The following NBAS variants were observed in gnomAD, a reference collection of about 807,000 sequenced individuals.
NBAS encodes NAG/BC035112 fusion.
In NBAS, 219 loss-of-function variants were observed where a neutral mutation model predicts 302.5. That is an observed-to-expected ratio of 0.72 (90% confidence interval 0.65 to 0.81). The LOEUF is 0.81. Among genes scored for constraint, NBAS ranks in the 30% least tolerant of loss-of-function variants. The probability of loss-of-function intolerance (pLI) is 0.00; values close to 1 mark genes in which losing one functional copy is unlikely to be tolerated. For missense variants in NBAS, 2,932 were observed against 2,841.6 expected, an observed-to-expected ratio of 1.03 and a Z score of -0.72; for synonymous variants, 1,118 against 1,021.6, an observed-to-expected ratio of 1.09 and a Z score of -1.80.
At chr2:15,286,838 G>A (rs1030208855) in intron 42 of NBAS, among the ~76,000 whole-genome samples, 2 of 152,082 alleles carry the variant, frequency 1.3e-5, no homozygotes, top group Non-Finnish European at 1.5e-5. Flanking sequence ...TGTAACCCTA[G>A]TGGCTAATAC....
At chr2:14,968,490 C>G in the NBAS span, among the ~76,000 whole-genome samples, 4 of 151,910 alleles carry the variant, frequency 2.6e-5, no homozygotes, top group African/African-American at 4.8e-5. Context: ...GTAGTAGCTA[C>G]TGACAGGTGT....
At chr2:14,791,789 G>C in the NBAS span, among the ~76,000 whole-genome samples, 2 of 148,324 alleles carry the variant, frequency 1.3e-5, no homozygotes, top group African/African-American at 5.1e-5. Flanking sequence ...AGGCAATAGA[G>C]GGAGACTCCA....
At chr2:14,881,549 T>A in the NBAS span, among the ~76,000 whole-genome samples, 1 of 152,192 alleles carries the variant, frequency 6.6e-6, no homozygotes, top group Non-Finnish European at 1.5e-5. Context: ...TCCAGGAATC[T>A]ACATGCAGCC....
At chr2:15,553,208 C>T (rs567397386) in intron 5 of NBAS, among the ~76,000 whole-genome samples, 68 of 152,188 alleles carry the variant, frequency 4.5e-4, no homozygotes, top group African/African-American at 1.6e-3. Context: ...TAAGAGGCAA[C>T]GGAATGATCT....
chr2:14,788,467 C>T, the NBAS span, among the ~76,000 whole-genome samples: 1 of 152,032 alleles, frequency 6.6e-6, no homozygotes, highest in Non-Finnish European at 1.5e-5. Context: ...TACTTTTGGT[C>T]TTTGATGATG....
chr2:14,882,872 A>G, the NBAS span, among the ~76,000 whole-genome samples: 2 of 152,074 alleles, frequency 1.3e-5, no homozygotes, highest in African/African-American at 4.8e-5. Flanking sequence ...ATCCTCTGGC[A>G]CTCTGTCCAT....
the NBAS span, among the ~76,000 whole-genome samples, chr2:15,078,192 T>C: frequency 6.6e-6 from 1 of 152,162 alleles, no homozygotes. Flanking sequence ...GAGTTGAATT[T>C]TATCCTGCAG....
intron 21 of NBAS, among the ~76,000 whole-genome samples, chr2:15,438,257 T>C (rs1205022306): frequency 6.6e-6 from 1 of 152,154 alleles, no homozygotes; most frequent in Non-Finnish European, 1.5e-5. Context: ...GTACACACCA[T>C]GAGGTGGCTG....
chr2:15,247,628 A>C (rs889247244), intron 44 of NBAS, among the ~76,000 whole-genome samples: 3 of 152,056 alleles, frequency 2.0e-5, no homozygotes, highest in Non-Finnish European at 2.9e-5. Context: ...AGGGCATTAC[A>C]TAATGGTAAA....
chr2:15,030,132 T>G, the NBAS span, among the ~76,000 whole-genome samples: 2 of 152,164 alleles, frequency 1.3e-5, no homozygotes, highest in Non-Finnish European at 2.9e-5. Context: ...TAAGCAGCTG[T>G]CTGTTGTCTT....
intron 44 of NBAS, among the ~76,000 whole-genome samples, chr2:15,270,448 C>A (rs1156263903): frequency 6.6e-6 from 1 of 152,142 alleles, no homozygotes; most frequent in Non-Finnish European, 1.5e-5. Context: ...CAGGCATGAG[C>A]CACCATGCCC....
At chr2:15,038,501 GA>G in the NBAS span, among the ~76,000 whole-genome samples, 1 of 152,128 alleles carries the variant, frequency 6.6e-6, no homozygotes, top group African/African-American at 2.4e-5. Context: ...CTCATGATTA[GA>G]AGCTCCCGCG....
chr2:15,503,678 G>C (rs1661694049), intron 11 of NBAS, among the ~76,000 whole-genome samples: 1 of 152,110 alleles, frequency 6.6e-6, no homozygotes. Flanking sequence ...TAACAAGACA[G>C]TAAAACAATG....
chr2:15,049,144 T>C, the NBAS span, among the ~76,000 whole-genome samples: 1 of 152,178 alleles, frequency 6.6e-6, no homozygotes, highest in South Asian at 2.1e-4. Context: ...TGATGCCTCA[T>C]ACACCAGTTT....
intron 35 of NBAS, among the ~76,000 whole-genome samples, chr2:15,338,482 C>T (rs570808822): frequency 2.0e-5 from 3 of 152,120 alleles, no homozygotes; most frequent in Admixed American, 6.6e-5. Context: ...TAGAAAAATA[C>T]TCTATGGAGT....
In NBAS at chr2:15,275,716, G is replaced by A. The variant is rs776228679; in HGVS notation, c.5492C>T (p.Pro1831Leu). ...CTGTCCATCCTTTTCAGGGATTTTG[G>A]GAACAAGTTTGGAAATAGACAAGAT... The part of the protein sequence containing the change: ...QNILSISKLV[P>L]KIPEKDGQML... The change falls in exon 44 of 52, where the codon CCC becomes CTC. Residue 1831 changes from proline to leucine, a missense_variant. Transcript: ENST00000281513. 12 of 1,614,170 alleles carry A rather than the reference G, an allele frequency of 7.4e-6. No individual in the cohort carries two copies. The highest frequency in any genetic ancestry group is 9.3e-6 in the Non-Finnish European group (11 of 1,180,028).
At chr2:14,981,806 G>A in the NBAS span, among the ~76,000 whole-genome samples, 1 of 152,220 alleles carries the variant, frequency 6.6e-6, no homozygotes, top group East Asian at 1.9e-4. Flanking sequence ...AGAAATGTAA[G>A]TGGGAATAAA....
At chr2:14,933,033 A>T in the NBAS span, among the ~76,000 whole-genome samples, 1 of 152,240 alleles carries the variant, frequency 6.6e-6, no homozygotes, top group East Asian at 1.9e-4. Context: ...TTCCTGGCTT[A>T]TCATATACAA....
intron 6 of NBAS, among the ~76,000 whole-genome samples, chr2:15,543,946 G>A (rs1663979303): frequency 6.6e-6 from 1 of 152,052 alleles, no homozygotes; most frequent in Admixed American, 6.6e-5. Flanking sequence ...TACTCTGGTG[G>A]GACATAACAA....
Sources: gnomAD v4.1 joint callset for allele counts (sites outside exome capture counted in the v4.1 genomes callset) on GRCh38, gnomAD v4.1.1 for gene constraint, MANE v1.5 for transcripts, NCBI Gene and HGNC (gene_info 2026-07-23, HGNC 2026-07-21) for gene names.